RNF170: variants seen among roughly 807,000 people sequenced by gnomAD.
RNF170 encodes the protein E3 ubiquitin-protein ligase RNF170.
In RNF170, 12 loss-of-function variants were observed where a neutral mutation model predicts 32.7. That is an observed-to-expected ratio of 0.37 (90% CI 0.24 to 0.60). The LOEUF is 0.60. Among genes scored for constraint, RNF170 ranks in the 20% least tolerant of loss-of-function variants. The probability of loss-of-function intolerance (pLI) is 0.72; values close to 1 mark genes in which losing one functional copy is unlikely to be tolerated. For missense variants in RNF170, 212 were observed against 311.2 expected, an observed-to-expected ratio of 0.68 and a Z score of 2.40; for synonymous variants, 91 against 103.6, an observed-to-expected ratio of 0.88 and a Z score of 0.74.
chr8:42,850,656 C>A (rs1802917341), downstream of RNF170: 2 of 971,704 alleles, frequency 2.1e-6, no homozygotes, highest in Non-Finnish European at 1.6e-6. Context: ...ATGGAAATGT[C>A]AATATGATGA....
chr8:42,850,729 G>A (rs929896982), downstream of RNF170: 3 of 1,547,792 alleles, frequency 1.9e-6, no homozygotes, highest in African/African-American at 4.1e-5. Context: ...GAGGGTCACT[G>A]CCTACTTTTG....
chr8:42,861,689 C>T (rs1803674351), intron 6 of RNF170, 56 bp downstream of exon 6: 1 of 1,383,188 alleles, frequency 7.2e-7, no homozygotes, highest in Non-Finnish European at 1.0e-6. Flanking sequence ...CCTCACTTTA[C>T]AAAAGAGAAG....
At chr8:42,889,618 C>T (rs896853227) in intron 1 of RNF170, among the ~76,000 whole-genome samples, 6 of 152,124 alleles carry the variant, frequency 3.9e-5, no homozygotes, top group African/African-American at 9.7e-5. Context: ...AAGAAACCTA[C>T]GCAAACAGAT....
chr8:42,885,472 G>C (rs1805740925), intron 2 of RNF170, among the ~76,000 whole-genome samples: 1 of 152,034 alleles, frequency 6.6e-6, no homozygotes, highest in African/African-American at 2.4e-5. Flanking sequence ...AACTTTTTGA[G>C]GAACCTTCAT....
chr8:42,869,471 C>T (rs149576655), intron 4 of RNF170, among the ~76,000 whole-genome samples: 177 of 152,278 alleles, frequency 1.2e-3, no homozygotes, highest in African/African-American at 4.1e-3. Flanking sequence ...TCTCATTCTC[C>T]TTCATTAAAC....
At chr8:42,850,978 C>T (rs1271673227), downstream of RNF170, 1 of 1,551,496 alleles carries the variant, frequency 6.4e-7, no homozygotes, top group Non-Finnish European at 8.7e-7. Flanking sequence ...ACTTGCACGG[C>T]TGCTCTTCTC....
At chr8:42,882,115 G>A (rs1024221876) in intron 2 of RNF170, among the ~76,000 whole-genome samples, 1 of 152,160 alleles carries the variant, frequency 6.6e-6, no homozygotes, top group African/African-American at 2.4e-5. Flanking sequence ...TGTTGGCAAG[G>A]AAGTAGAGAA....
At chr8:42,882,703 C>G (rs1805510269) in intron 2 of RNF170, among the ~76,000 whole-genome samples, 2 of 152,022 alleles carry the variant, frequency 1.3e-5, no homozygotes, top group African/African-American at 4.8e-5. Context: ...CACAGGTTAC[C>G]CAGAGCTGAA....
At chr8:42,876,988 C>T (rs1804996406) in intron 2 of RNF170, among the ~76,000 whole-genome samples, 2 of 118,070 alleles carry the variant, frequency 1.7e-5, no homozygotes, top group Non-Finnish European at 1.7e-5. Context: ...GAGTCTTGTT[C>T]TGTCGTCCAG....
Position 42,854,151 on chromosome 8 carries a change from G to A in RNF170, c.*2008C>T, listed in dbSNP as rs896091482. ...ACCCTTTTACCTATTTGATTTGGAAGTGTAGAATTCGGATTCATGTCATCT... is the reference window on the plus strand; with the variant it reads ...ACCCTTTTACCTATTTGATTTGGAAATGTAGAATTCGGATTCATGTCATCT... On this transcript the variant is annotated 3_prime_UTR_variant, in exon 7 of 7. Transcript: ENST00000527424. 1.6e-6 allele frequency: 2 copies of A among 1,287,240 alleles called. No individual in the cohort carries two copies. Among genetic ancestry groups the A allele is most frequent in the Non-Finnish European group, 2.0e-6 (2 of 988,698 alleles). The allele number at this position is 1,287,240 out of a possible 1,614,324, so 79.7% of individuals were successfully genotyped here.
intron 1 of RNF170, among the ~76,000 whole-genome samples, chr8:42,889,854 C>T (rs2128955277): frequency 6.6e-6 from 1 of 152,268 alleles, no homozygotes; most frequent in South Asian, 2.1e-4. Context: ...GTTTTTATTT[C>T]ATCAGGTTTC....
downstream of RNF170, among the ~76,000 whole-genome samples, chr8:42,853,124 T>G (rs1802987143): frequency 6.6e-6 from 1 of 152,014 alleles, no homozygotes. Context: ...ACCCTGTCTC[T>G]GACCAAAAAA....
chr8:42,885,969 C>A (rs1283349946), intron 2 of RNF170, among the ~76,000 whole-genome samples: 1 of 152,038 alleles, frequency 6.6e-6, no homozygotes, highest in African/African-American at 2.4e-5. Context: ...ACGCCTGTAA[C>A]CCCCCGATTT....
intron 5 of RNF170, among the ~76,000 whole-genome samples, chr8:42,864,979 G>A (rs1460402761): frequency 1.3e-5 from 2 of 151,624 alleles, no homozygotes; most frequent in Non-Finnish European, 2.9e-5. Context: ...ATCGTGGGCT[G>A]GGCGTGGTAT....
chr8:42,856,201 A>T lies in RNF170; in HGVS notation c.735T>A (p.Ser245=). The T allele has an allele frequency of 6.2e-7, 1 of 1,609,662 alleles. No individual in the cohort carries two copies. Among genetic ancestry groups the T allele is most frequent in the Non-Finnish European group, 8.5e-7 (1 of 1,176,232 alleles). ...FVIFLLLIYI[S]IMYREVITQR... ...GGGTTATCACTTCTCGATACATAAT[A>T]GAGATGTAGATAAGCAATAAAAAGA... Residue 245 remains serine, a synonymous_variant, in exon 7 of 7, where the codon TCT becomes TCA. Transcript: ENST00000527424.
chr8:42,861,320 A>G (rs534821935), intron 6 of RNF170: 1 of 160,656 alleles, frequency 6.2e-6, no homozygotes, highest in East Asian at 1.8e-4. Flanking sequence ...CCCAACACAT[A>G]TAATGAGATT....
At chr8:42,879,391 G>A (rs372108636) in intron 2 of RNF170, among the ~76,000 whole-genome samples, 18 of 152,150 alleles carry the variant, frequency 1.2e-4, no homozygotes, top group East Asian at 1.2e-3. Context: ...GGTGGCTCAC[G>A]CCTGTAATCC....
chr8:42,858,421 C>A (rs1803404743), intron 6 of RNF170, among the ~76,000 whole-genome samples: 1 of 152,128 alleles, frequency 6.6e-6, no homozygotes, highest in Non-Finnish European at 1.5e-5. Flanking sequence ...AGTATCAATT[C>A]TTATCTTAAC....
At chr8:42,896,640 G>C (rs976175304), upstream of RNF170, 4 of 452,708 alleles carry the variant, frequency 8.8e-6, no homozygotes, top group African/African-American at 4.0e-5. Context: ...GAGCTTCCGC[G>C]AGGGCGCGAC....
Sources: allele counts gnomAD v4.1 joint callset (sites outside exome capture counted in the v4.1 genomes callset), GRCh38; gene constraint gnomAD v4.1.1; transcripts MANE v1.5; gene names NCBI Gene and HGNC (gene_info 2026-07-23, HGNC 2026-07-21).